SH3BGR: variants seen among roughly 807,000 people sequenced by gnomAD.
SH3BGR encodes the protein SH3 domain-binding glutamic acid-rich protein.
In SH3BGR, 29 loss-of-function variants were observed where a neutral mutation model predicts 24.5. The observed-to-expected ratio is 1.18, with a 90% CI of 0.88 to 1.61. SH3BGR has a LOEUF of 1.61. SH3BGR is among the 40% of genes most tolerant of loss of function. The pLI is 0.00. For synonymous variants in SH3BGR, 55 were observed against 65.7 expected (o/e 0.84, Z 0.79); for missense variants, 162 against 205.8 (o/e 0.79, Z 1.30).
chr21:39,462,907 G>GT (rs1206798059), intron 2 of SH3BGR, among the ~76,000 whole-genome samples: 2 of 152,202 alleles, frequency 1.3e-5, no homozygotes, highest in African/African-American at 4.8e-5. Flanking sequence ...GAGGAACATG[G>GT]TAAGTTTTCT....
intron 4 of SH3BGR, among the ~76,000 whole-genome samples, chr21:39,506,920 C>T (rs1326650494): frequency 6.6e-6 from 1 of 152,118 alleles, no homozygotes; most frequent in East Asian, 1.9e-4. Flanking sequence ...AGGTGATAAT[C>T]ACTCTTTAGG....
intron 3 of SH3BGR, among the ~76,000 whole-genome samples, chr21:39,498,131 G>T (rs540023358): frequency 6.6e-6 from 1 of 152,318 alleles, no homozygotes; most frequent in Admixed American, 6.5e-5. Flanking sequence ...AAATGAAGTT[G>T]TGCATACTGT....
At chr21:39,498,920 T>G (rs2078443396) in intron 3 of SH3BGR, among the ~76,000 whole-genome samples, 1 of 152,248 alleles carries the variant, frequency 6.6e-6, no homozygotes, top group Non-Finnish European at 1.5e-5. Context: ...GAGGTTTAAT[T>G]GACTCACAGT....
intron 5 of SH3BGR, among the ~76,000 whole-genome samples, chr21:39,510,496 T>C (rs1280691282): frequency 1.3e-5 from 2 of 148,652 alleles, no homozygotes; most frequent in Non-Finnish European, 2.9e-5. Context: ...CAATTTCTGG[T>C]GAATACTCTT....
rs973677506 is a variant in SH3BGR, at chr21:39,479,224, G to GGGTGGTGGTGGT, written c.312+4032_312+4043dup. Among the ~76,000 whole-genome samples, 247 of 137,670 alleles carry GGGTGGTGGTGGT rather than the reference G, an allele frequency of 1.8e-3. 2 individuals carry two copies. The highest frequency in any genetic ancestry group is 7.6e-3 in the African/African-American group (235 of 30,778). 90.3% of individuals were successfully genotyped at this position (137,670 alleles called of 152,430 possible). A position where few individuals can be genotyped will look rare whatever the true frequency, so the allele number is the denominator to read the frequency against. Reference sequence around the variant, plus strand: ...GTGGTGGTGGTGGTGGAGGTGGTAAGGGTGGTGGTGGTGGTGGTGGTGGTG... The same window carrying GGGTGGTGGTGGT: ...GTGGTGGTGGTGGTGGAGGTGGTAAGGGTGGTGGTGGTGGTGGTGGTGGTGGTGGTGGTGGTG... On this transcript the variant is annotated intron_variant, in intron 3 of 6. Transcript: ENST00000333634.
chr21:39,475,001 G>C, intron 2 of SH3BGR, 134 bp from the exon 3 acceptor site: 1 of 592,792 alleles, frequency 1.7e-6, no homozygotes, highest in East Asian at 2.8e-5. Context: ...AGTCATCTTT[G>C]ATAAAGCAAA....
chr21:39,480,038 G>A (rs1184848256), intron 3 of SH3BGR, among the ~76,000 whole-genome samples: 1 of 152,074 alleles, frequency 6.6e-6, no homozygotes, highest in African/African-American at 2.4e-5. Flanking sequence ...GTTTTCAATG[G>A]TCCCAGTCTT....
chr21:39,483,530 C>T (rs1242983045), intron 3 of SH3BGR, among the ~76,000 whole-genome samples: 2 of 152,168 alleles, frequency 1.3e-5, no homozygotes, highest in Non-Finnish European at 2.9e-5. Flanking sequence ...AGAGGAACTC[C>T]AGTGGAAAAG....
rs183187424 is a variant in SH3BGR, at chr21:39,481,176, A to G, written c.312+5961A>G. Among the ~76,000 whole-genome samples, 5 of 152,316 alleles carry G rather than the reference A, an allele frequency of 3.3e-5. No individual in the cohort carries two copies. The East Asian group carries it at 7.7e-4, about 23-fold the overall frequency. On this transcript the variant is annotated intron_variant, in intron 3 of 6. Transcript: ENST00000333634. ...AGTAGTAGCAGTCGCAACAAGAACAAACTCTTAGCCAGGCATTGTGGTTCG... is the reference window on the plus strand; with the variant it reads ...AGTAGTAGCAGTCGCAACAAGAACAGACTCTTAGCCAGGCATTGTGGTTCG...
At chr21:39,482,648 A>C (rs2078148020) in intron 3 of SH3BGR, among the ~76,000 whole-genome samples, 1 of 152,134 alleles carries the variant, frequency 6.6e-6, no homozygotes, top group South Asian at 2.1e-4. Context: ...TTGTCTTTAA[A>C]ATTTTCATAA....
At chr21:39,460,571 G>A (rs1242414636) in intron 1 of SH3BGR, among the ~76,000 whole-genome samples, 4 of 152,038 alleles carry the variant, frequency 2.6e-5, no homozygotes, top group African/African-American at 9.7e-5. Context: ...CCAGGTTCAA[G>A]TGATTCTACT....
upstream of SH3BGR, among the ~76,000 whole-genome samples, chr21:39,449,202 A>G (rs1178767834): frequency 1.3e-5 from 2 of 152,212 alleles, no homozygotes; most frequent in Admixed American, 6.5e-5. Context: ...AACCTTGCTC[A>G]GTATGTATGT....
intron 2 of SH3BGR, among the ~76,000 whole-genome samples, chr21:39,465,808 TCTCACA>T (rs2077832185): frequency 1.3e-5 from 2 of 152,174 alleles, no homozygotes; most frequent in Admixed American, 1.3e-4. Flanking sequence ...CCCAGGCTGG[TCTCACA>T]CTCCTGGCTT....
chr21:39,510,986 T>G (rs1048896662), intron 5 of SH3BGR, among the ~76,000 whole-genome samples: 1 of 146,726 alleles, frequency 6.8e-6, no homozygotes, highest in Non-Finnish European at 1.5e-5. Flanking sequence ...GAGAATGGTT[T>G]GTTAATATGA....
rs1261688816 is a variant in SH3BGR, at chr21:39,511,474, G to A, written c.436-206G>A. Among the ~76,000 whole-genome samples the A allele has an allele frequency of 6.7e-6, 1 of 148,966 alleles. No homozygotes were observed. Among genetic ancestry groups the A allele is most frequent in the Non-Finnish European group, 1.5e-5 (1 of 66,990 alleles). On this transcript the variant is annotated intron_variant, in intron 5 of 6. Transcript: ENST00000333634. This position sits in a 1 kb window ranked among gnomAD's most constrained non-coding sequence, Gnocchi z 4.2. Reference sequence around the variant, plus strand: ...TGTTTCCGTGGTGTGTGTGTGTTTGGGCGGTATGTGTGTGGGGTGTGTGTG... The same window carrying A: ...TGTTTCCGTGGTGTGTGTGTGTTTGAGCGGTATGTGTGTGGGGTGTGTGTG...
At chr21:39,448,443 C>T (rs2077536042), upstream of SH3BGR, among the ~76,000 whole-genome samples, 1 of 152,046 alleles carries the variant, frequency 6.6e-6, no homozygotes, top group Non-Finnish European at 1.5e-5. Flanking sequence ...GTTTGTAGCC[C>T]AGTACCTCAT....
rs2078079857 is a variant in SH3BGR at position 39,479,226 on chromosome 21, G to GTGGTGGTGGTGGTGA, written c.312+4025_312+4026insATGGTGGTGGTGGTG. The stretch of plus-strand genomic sequence containing the variant: ...GGTGGTGGTGGTGGAGGTGGTAAGG[G>GTGGTGGTGGTGGTGA]TGGTGGTGGTGGTGGTGGTGGTGGT... On this transcript the variant is annotated intron_variant, in intron 3 of 6. Coordinates refer to ENST00000333634, the MANE Select transcript of SH3BGR (RefSeq NM_007341.3). Among the ~76,000 whole-genome samples, 9 of 134,478 alleles carry GTGGTGGTGGTGGTGA rather than the reference G, an allele frequency of 6.7e-5. 1 individual carries two copies. Among genetic ancestry groups the GTGGTGGTGGTGGTGA allele is most frequent in the African/African-American group, 2.1e-4 (7 of 32,854 alleles). 88.2% of individuals were successfully genotyped at this position (134,478 alleles called of 152,430 possible). A position where few individuals can be genotyped will look rare whatever the true frequency, so the allele number is the denominator to read the frequency against.
chr21:39,470,175 T>C (rs1055114115), intron 2 of SH3BGR, among the ~76,000 whole-genome samples: 2 of 152,138 alleles, frequency 1.3e-5, no homozygotes, highest in African/African-American at 4.8e-5. Context: ...ATTCAAATAA[T>C]CTATCCTTTT....
At chr21:39,473,415 C>G (rs2077974124) in intron 2 of SH3BGR, among the ~76,000 whole-genome samples, 2 of 152,200 alleles carry the variant, frequency 1.3e-5, no homozygotes, top group Non-Finnish European at 2.9e-5. Context: ...AGTGTGTACT[C>G]TGGGAATCAA....
Sources: allele counts gnomAD v4.1 joint callset (sites outside exome capture counted in the v4.1 genomes callset), GRCh38; gene constraint gnomAD v4.1.1; non-coding constraint Gnocchi (gnomAD v3.1); transcripts MANE v1.5; gene names NCBI Gene and HGNC (gene_info 2026-07-23, HGNC 2026-07-21).